Variants in SGCZ observed in about 807,000 individuals in gnomAD.
The protein encoded by SGCZ is zeta-sarcoglycan.
SGCZ carries 40 observed loss-of-function variants against 41.3 expected under a neutral mutation model. The observed-to-expected ratio is 0.97, with a 90% confidence interval of 0.75 to 1.26. The LOEUF (loss-of-function observed/expected upper bound fraction) is 1.26, where lower values mean the gene tolerates loss of function less well. SGCZ is among the 50% of genes most tolerant of loss of function. SGCZ has a pLI of 0.00. For missense variants in SGCZ, 552 were observed against 369.8 expected (o/e 1.49, Z -4.04); for synonymous variants, 206 against 137.5 (o/e 1.50, Z -3.49).
At chr8:15,163,304 T>C (rs1202618822) in intron 1 of SGCZ, among the ~76,000 whole-genome samples, 1 of 152,242 alleles carries the variant, frequency 6.6e-6, no homozygotes, top group African/African-American at 2.4e-5. Flanking sequence ...TTAGTCTATC[T>C]TCATTTCAGA....
intron 4 of SGCZ, among the ~76,000 whole-genome samples, chr8:14,219,275 C>T (rs938875033): frequency 6.6e-6 from 1 of 152,162 alleles, no homozygotes; most frequent in Non-Finnish European, 1.5e-5. Context: ...GGTCTGCTGC[C>T]TGTCGGATCT....
intron 2 of SGCZ, among the ~76,000 whole-genome samples, chr8:14,423,457 G>C (rs1486880477): frequency 6.6e-6 from 1 of 151,588 alleles, no homozygotes; most frequent in Non-Finnish European, 1.5e-5. Flanking sequence ...GCTCTTGTTG[G>C]CCAGGCCAGA....
intron 1 of SGCZ, among the ~76,000 whole-genome samples, chr8:14,709,522 T>C (rs533132971): frequency 1.3e-5 from 2 of 152,310 alleles, no homozygotes; most frequent in African/African-American, 4.8e-5. Context: ...TTCTCAATTG[T>C]GCAGAATTCA....
intron 1 of SGCZ, among the ~76,000 whole-genome samples, chr8:14,922,027 T>C (rs556319683): frequency 6.6e-6 from 1 of 152,130 alleles, no homozygotes; most frequent in Non-Finnish European, 1.5e-5. Context: ...TGAATACCCT[T>C]GATTTTATTT....
chr8:14,681,774 G>C (rs1232230445), intron 1 of SGCZ, among the ~76,000 whole-genome samples: 1 of 152,006 alleles, frequency 6.6e-6, no homozygotes, highest in Non-Finnish European at 1.5e-5. Context: ...CTTAGAGAGA[G>C]GTCTCTGCAT....
intron 1 of SGCZ, among the ~76,000 whole-genome samples, chr8:14,743,361 T>C (rs969079484): frequency 2.0e-5 from 3 of 152,084 alleles, no homozygotes; most frequent in African/African-American, 7.2e-5. Context: ...TTAAGACTGC[T>C]CATAAGTTCA....
chr8:14,481,973 C>A (rs183878911), intron 2 of SGCZ, among the ~76,000 whole-genome samples: 2 of 152,080 alleles, frequency 1.3e-5, no homozygotes, highest in African/African-American at 4.8e-5. Flanking sequence ...GGATACCTAC[C>A]GGACCACACC....
At chr8:15,175,845 T>C (rs1799982089) in intron 1 of SGCZ, among the ~76,000 whole-genome samples, 1 of 151,978 alleles carries the variant, frequency 6.6e-6, no homozygotes, top group African/African-American at 2.4e-5. Flanking sequence ...GAGAGGAAGA[T>C]TGCAAAACCA....
At chr8:14,492,780 TAA>T in intron 2 of SGCZ, among the ~76,000 whole-genome samples, 1 of 152,186 alleles carries the variant, frequency 6.6e-6, no homozygotes, top group South Asian at 2.1e-4. Context: ...GTCTCTTCAC[TAA>T]AAGTGGTATT....
chr8:14,153,158 T>G lies in SGCZ; in HGVS notation c.547+11422A>C, dbSNP rs568513323. Among the ~76,000 whole-genome samples the G allele has an allele frequency of 1.7e-4, 26 of 152,308 alleles. No individual in the cohort carries two copies. The South Asian group carries it at 5.2e-3, about 30-fold the overall frequency. On this transcript the variant is annotated intron_variant, in intron 5 of 7. Coordinates refer to ENST00000382080, the MANE Select transcript of SGCZ (RefSeq NM_139167.4). Reference sequence around the variant, plus strand: ...TTACAGTTTTATAAGATGTTACCATTGAGAAAAACTAGGTGAATGTTGCAG... The same window carrying G: ...TTACAGTTTTATAAGATGTTACCATGGAGAAAAACTAGGTGAATGTTGCAG...
At chr8:14,864,360 A>T (rs2130687202) in intron 1 of SGCZ, among the ~76,000 whole-genome samples, 1 of 152,304 alleles carries the variant, frequency 6.6e-6, no homozygotes, top group Admixed American at 6.5e-5. Context: ...CACTAAATAG[A>T]CATATTAATT....
At chr8:14,382,430 C>T (rs966152796) in intron 2 of SGCZ, among the ~76,000 whole-genome samples, 4 of 150,952 alleles carry the variant, frequency 2.6e-5, no homozygotes, top group African/African-American at 9.8e-5. Flanking sequence ...AAAAAAAACA[C>T]AATACCATAT....
chr8:14,666,444 G>A (rs73664429), intron 1 of SGCZ, among the ~76,000 whole-genome samples: 313 of 152,242 alleles, frequency 2.1e-3, no homozygotes, highest in African/African-American at 7.4e-3. Flanking sequence ...TCACAAAAAC[G>A]TTAGTGTCCT....
chr8:14,143,019 A>T (rs1803417496), intron 5 of SGCZ, among the ~76,000 whole-genome samples: 1 of 151,914 alleles, frequency 6.6e-6, no homozygotes, highest in Admixed American at 6.6e-5. Flanking sequence ...AAAAGAATCA[A>T]CCAACATAAG....
chr8:14,342,548 C>A (rs1419018412), intron 2 of SGCZ, among the ~76,000 whole-genome samples: 1 of 152,144 alleles, frequency 6.6e-6, no homozygotes, highest in Non-Finnish European at 1.5e-5. Flanking sequence ...ATCTCCTGAA[C>A]TGGTGATCCA....
intron 1 of SGCZ, among the ~76,000 whole-genome samples, chr8:14,827,127 C>A (rs1461608858): frequency 6.7e-6 from 1 of 150,142 alleles, no homozygotes; most frequent in Admixed American, 6.7e-5. Flanking sequence ...ACCAGACCAC[C>A]TTTCAGCATG....
At chr8:14,099,096 T>C (rs1441018411) in intron 7 of SGCZ, among the ~76,000 whole-genome samples, 1 of 152,178 alleles carries the variant, frequency 6.6e-6, no homozygotes, top group Non-Finnish European at 1.5e-5. Context: ...TGGCTTGAGA[T>C]AGAGGTATAA....
At chr8:15,091,869 C>G (rs961664982) in intron 1 of SGCZ, among the ~76,000 whole-genome samples, 4 of 152,150 alleles carry the variant, frequency 2.6e-5, no homozygotes, top group African/African-American at 9.7e-5. Context: ...CCTCCCACCT[C>G]AGCCTCGAAA....
Position 14,310,703 on chromosome 8 carries a change from C to T in SGCZ, c.336+13400G>A, listed in dbSNP as rs1374887492. On this transcript the variant is annotated intron_variant, in intron 3 of 7. Coordinates refer to ENST00000382080, the MANE Select transcript of SGCZ (RefSeq NM_139167.4). Reference sequence around the variant, plus strand: ...TGTCTTTTAGGCAACTAGATTTGTCCTTTTATTCCTCCATCTTTATAGAAG... The same window carrying T: ...TGTCTTTTAGGCAACTAGATTTGTCTTTTTATTCCTCCATCTTTATAGAAG... 2.6e-5 allele frequency among the ~76,000 whole-genome samples: 4 copies of T among 151,978 alleles called. No individual in the cohort carries two copies. In the East Asian group the frequency reaches 7.7e-4, roughly 29 times the overall value.
Sources: allele counts gnomAD v4.1 joint callset (sites outside exome capture counted in the v4.1 genomes callset), GRCh38; gene constraint gnomAD v4.1.1; transcripts MANE v1.5; gene names NCBI Gene and HGNC (gene_info 2026-07-23, HGNC 2026-07-21).